The following DYM variants were observed in gnomAD, a reference collection of about 807,000 sequenced individuals.
The protein encoded by DYM is dyggve-Melchior-Clausen syndrome protein.
In DYM, 78 loss-of-function variants were observed where a neutral mutation model predicts 93.1. That is an observed-to-expected ratio of 0.84 (90% confidence interval 0.70 to 1.01). The LOEUF (loss-of-function observed/expected upper bound fraction) is 1.01, where lower values mean the gene tolerates loss of function less well. Among genes scored for constraint, DYM ranks in the 50% least tolerant of loss-of-function variants. DYM has a pLI of 0.00. For synonymous variants in DYM, 321 were observed against 319.7 expected (o/e 1.00, Z -0.04); for missense variants, 789 against 845.0 (o/e 0.93, Z 0.82).
At chr18:49,153,387 C>T (rs1159308048) in intron 15 of DYM, among the ~76,000 whole-genome samples, 1 of 152,150 alleles carries the variant, frequency 6.6e-6, no homozygotes, top group South Asian at 2.1e-4. Flanking sequence ...CAGGGTTTGG[C>T]TCTGTTTTAC....
intron 13 of DYM, among the ~76,000 whole-genome samples, chr18:49,227,266 C>G (rs1255154472): frequency 6.6e-6 from 1 of 152,150 alleles, no homozygotes; most frequent in Non-Finnish European, 1.5e-5. Flanking sequence ...GATTCTTCAA[C>G]ATCCATGCCA....
At chr18:49,134,670 G>C (rs765860472) in intron 15 of DYM, among the ~76,000 whole-genome samples, 1 of 152,168 alleles carries the variant, frequency 6.6e-6, no homozygotes, top group African/African-American at 2.4e-5. Flanking sequence ...AACATTAGCT[G>C]AGTGCCAACA....
chr18:49,369,650 C>T (rs144445378), intron 5 of DYM, among the ~76,000 whole-genome samples: 20 of 152,298 alleles, frequency 1.3e-4, no homozygotes, highest in South Asian at 6.2e-4. Flanking sequence ...TTTTAGAAGT[C>T]CCTTTGCTGA....
chr18:49,283,365 TTAAAA>T (rs1217819812), intron 9 of DYM, among the ~76,000 whole-genome samples: 2 of 152,182 alleles, frequency 1.3e-5, no homozygotes, highest in Admixed American at 1.3e-4. Flanking sequence ...ATAACTTTTT[TTAAAA>T]TAAAATAAAA....
chr18:49,317,585 CT>C (rs1568235767), intron 8 of DYM, among the ~76,000 whole-genome samples: 11 of 12,026 alleles, frequency 9.1e-4, no homozygotes, highest in African/African-American at 7.3e-3. Context: ...CTCTCTCTCT[CT>C]CTCTCTCTCT....
chr18:49,161,308 T>G (rs531716400), intron 15 of DYM, among the ~76,000 whole-genome samples: 2 of 152,350 alleles, frequency 1.3e-5, no homozygotes, highest in East Asian at 3.9e-4. Context: ...CCTCCATGGT[T>G]GGCAAATACC....
At chr18:49,300,292 C>T (rs2060838423) in intron 8 of DYM, among the ~76,000 whole-genome samples, 1 of 151,580 alleles carries the variant, frequency 6.6e-6, no homozygotes, top group African/African-American at 2.4e-5. Context: ...AATTTGGAAA[C>T]TACAAATAAA....
intron 5 of DYM, among the ~76,000 whole-genome samples, chr18:49,370,663 A>G (rs2066952134): frequency 6.6e-6 from 1 of 152,144 alleles, no homozygotes; most frequent in South Asian, 2.1e-4. Context: ...GCTACTCGGG[A>G]GGCTAAGGCA....
intron 17 of DYM, among the ~76,000 whole-genome samples, chr18:49,073,953 G>T (rs1287167905): frequency 6.6e-6 from 1 of 152,152 alleles, no homozygotes; most frequent in Non-Finnish European, 1.5e-5. Flanking sequence ...CTTTATTAAG[G>T]TAAAATAATT....
chr18:49,409,344 G>C (rs2071934233), intron 2 of DYM, among the ~76,000 whole-genome samples: 1 of 151,616 alleles, frequency 6.6e-6, no homozygotes, highest in African/African-American at 2.4e-5. Flanking sequence ...AAAAAATTCT[G>C]GATTATATTT....
intron 17 of DYM, among the ~76,000 whole-genome samples, chr18:49,082,580 GA>G (rs1244024732): frequency 6.6e-6 from 1 of 152,136 alleles, no homozygotes; most frequent in African/African-American, 2.4e-5. Context: ...AATGAAATGA[GA>G]TTAAAGTATA....
intron 10 of DYM, among the ~76,000 whole-genome samples, 160 bp downstream of exon 10, chr18:49,281,837 C>T (rs1025037398): frequency 3.3e-5 from 5 of 152,050 alleles, no homozygotes; most frequent in South Asian, 4.2e-4. Context: ...TAGCATTTGG[C>T]GATATACCTA....
At chr18:49,354,622 A>G (rs1245006102) in intron 6 of DYM, among the ~76,000 whole-genome samples, 2 of 152,116 alleles carry the variant, frequency 1.3e-5, no homozygotes, top group Non-Finnish European at 2.9e-5. Context: ...AGTGGACCAA[A>G]GACTAACAGA....
chr18:49,087,323 T>C (rs2078634046), intron 17 of DYM, among the ~76,000 whole-genome samples: 1 of 152,332 alleles, frequency 6.6e-6, no homozygotes, highest in South Asian at 2.1e-4. Flanking sequence ...TATGACTACA[T>C]TCAAGATGCA....
intron 16 of DYM, 137 bp downstream of exon 16, chr18:49,118,607 T>A (rs2082114916): frequency 1.3e-6 from 1 of 797,808 alleles, no homozygotes; most frequent in Admixed American, 2.1e-5. Flanking sequence ...ACAACTATTA[T>A]AGTAAAATAG....
intron 2 of DYM, among the ~76,000 whole-genome samples, chr18:49,412,649 G>C (rs1024514658): frequency 1.3e-5 from 2 of 152,128 alleles, no homozygotes; most frequent in African/African-American, 4.8e-5. Flanking sequence ...GTTTAGCAGC[G>C]ATCCCAGGCC....
intron 17 of DYM, among the ~76,000 whole-genome samples, chr18:49,068,554 CT>C (rs1305076196): frequency 1.3e-5 from 2 of 152,154 alleles, no homozygotes; most frequent in Admixed American, 1.3e-4. Context: ...ATTGTAACAG[CT>C]TTTGTTAGGC....
chr18:49,147,395 C>T (rs2085283466), intron 15 of DYM, among the ~76,000 whole-genome samples: 1 of 152,070 alleles, frequency 6.6e-6, no homozygotes, highest in South Asian at 2.1e-4. Context: ...AAACTACCAT[C>T]AGAGTGAACA....
chr18:49,108,896 A>G (rs1312343243), intron 16 of DYM, among the ~76,000 whole-genome samples: 1 of 152,128 alleles, frequency 6.6e-6, no homozygotes, highest in Admixed American at 6.5e-5. Context: ...GCTCTGTTGT[A>G]TACACATTTA....
Sources: allele counts gnomAD v4.1 joint callset (sites outside exome capture counted in the v4.1 genomes callset), GRCh38; gene constraint gnomAD v4.1.1; transcripts MANE v1.5; gene names NCBI Gene and HGNC (gene_info 2026-07-23, HGNC 2026-07-21).